DIP2C: variants seen among roughly 807,000 people sequenced by gnomAD.
The protein encoded by DIP2C is disco-interacting protein 2 homolog C.
In DIP2C, 33 loss-of-function variants were observed where a neutral mutation model predicts 192.4. The ratio of observed to expected loss-of-function variants is 0.17; its 90% CI spans 0.13 to 0.23. The LOEUF (loss-of-function observed/expected upper bound fraction) is 0.23. DIP2C is among the 10% of genes least tolerant of loss of function. DIP2C has a pLI of 1.00. For synonymous variants in DIP2C, 979 were observed against 864.1 expected, an observed-to-expected ratio of 1.13 and a Z score of -2.33; for missense variants, 1,537 against 2,110.1, an observed-to-expected ratio of 0.73 and a Z score of 5.32.
chr10:444,672 C>T (rs1968016757), intron 3 of DIP2C, among the ~76,000 whole-genome samples: 1 of 151,754 alleles, frequency 6.6e-6, no homozygotes, highest in South Asian at 2.1e-4. Flanking sequence ...GATTCTCCAC[C>T]GTCACATGGA....
At chr10:627,320 AC>A (rs1483303362) in intron 1 of DIP2C, among the ~76,000 whole-genome samples, 8 of 150,132 alleles carry the variant, frequency 5.3e-5, no homozygotes, top group Non-Finnish European at 1.2e-4. Context: ...CCTCTCCAAA[AC>A]CCCCCATCAG....
chr10:542,656 C>A (rs1848063574), intron 1 of DIP2C, among the ~76,000 whole-genome samples: 1 of 152,192 alleles, frequency 6.6e-6, no homozygotes, highest in South Asian at 2.1e-4. Context: ...CATCAGATCC[C>A]AGTTCTTATC....
intron 1 of DIP2C, among the ~76,000 whole-genome samples, chr10:492,902 G>A (rs1422929985): frequency 2.0e-5 from 3 of 152,232 alleles, no homozygotes; most frequent in African/African-American, 4.8e-5. Flanking sequence ...CACCACCGCA[G>A]TGGTCTTGAA....
chr10:412,701 G>A (rs564283481), intron 8 of DIP2C, among the ~76,000 whole-genome samples: 2 of 152,296 alleles, frequency 1.3e-5, no homozygotes, highest in African/African-American at 4.8e-5. Flanking sequence ...TAGGGTCTGA[G>A]GTTCCACGGT....
rs115929864 is a variant in DIP2C at position 311,168 on chromosome 10, G to A, written c.3925-1076C>T. 1.3e-3 allele frequency among the ~76,000 whole-genome samples: 201 copies of A among 152,164 alleles called. 1 individual carries two copies. The highest frequency in any genetic ancestry group is 4.6e-3 in the African/African-American group (189 of 41,510). The stretch of plus-strand genomic sequence containing the variant: ...CGCTCCCAGTGACAGCTCTACCCCC[G>A]GCTGCTCAGCAAAGCCGCCCCACAG... On this transcript the variant is annotated intron_variant, in intron 31 of 36. Transcript: ENST00000280886.
intron 1 of DIP2C, among the ~76,000 whole-genome samples, chr10:572,912 T>A (rs1328675620): frequency 2.0e-5 from 3 of 152,114 alleles, no homozygotes; most frequent in Non-Finnish European, 4.4e-5. Context: ...AAGATTGCCA[T>A]CTCGCAGAGA....
At chr10:639,379 T>C (rs1372173493) in intron 1 of DIP2C, among the ~76,000 whole-genome samples, 1 of 133,310 alleles carries the variant, frequency 7.5e-6, no homozygotes, top group Non-Finnish European at 1.6e-5. Context: ...GGTCCACACA[T>C]GGGGATGTGT....
At chr10:544,337 C>A (rs990524107) in intron 1 of DIP2C, among the ~76,000 whole-genome samples, 9 of 152,246 alleles carry the variant, frequency 5.9e-5, no homozygotes, top group South Asian at 2.1e-4. Flanking sequence ...ATCCACTCAT[C>A]TGTTGACAGA....
chr10:283,142 C>A lies in DIP2C; in HGVS notation c.4294+130G>T. On this transcript the variant is annotated intron_variant, in intron 35 of 36. Coordinates refer to ENST00000280886, the MANE Select transcript of DIP2C (RefSeq NM_014974.3). ...GCTCTTAAACTCGGTTCTTTTCACA[C>A]TGGGTTGTAGCTAGCACACGTGCCC... 2.4e-6 allele frequency: 3 copies of A among 1,273,332 alleles called. No homozygotes were observed. The East Asian group carries it at 7.0e-5, about 30-fold the overall frequency. The allele number at this position is 1,273,332 out of a possible 1,614,324, so 78.9% of individuals were successfully genotyped here. A position where few individuals can be genotyped will look rare whatever the true frequency, so the allele number is the denominator to read the frequency against.
intron 17 of DIP2C, chr10:370,059 C>CA (rs1174772817): frequency 1.0e-6 from 1 of 985,156 alleles, no homozygotes. Flanking sequence ...AGAATGCAGA[C>CA]AAAACCACTG....
chr10:486,500 T>C lies in DIP2C; in HGVS notation c.116A>G (p.Lys39Arg), dbSNP rs1844026539. 1.2e-6 allele frequency: 2 copies of C among 1,606,394 alleles called. No homozygotes were observed. Among genetic ancestry groups the C allele is most frequent in the Non-Finnish European group, 1.7e-6 (2 of 1,176,612 alleles). Residue 39 changes from lysine to arginine, a missense_variant, in exon 2 of 37, where the codon AAG becomes AGG. By Grantham distance (26) the Lys-to-Arg change is conservative. This residue lies in a region of DIP2C where 473 missense variants were observed against 539.6 expected (regional missense o/e 0.88). Transcript: ENST00000280886. ...GDITQKGYEK[K>R]RSKLIGAYLP... is the part of the protein sequence containing the mutation. The stretch of plus-strand genomic sequence containing the variant: ...GTAGGCTCCAATTAACTTTGACCTC[T>C]TCTTTTCATATCCTTTTTGTGTGAT...
chr10:522,541 C>CA (rs890324930), intron 1 of DIP2C, among the ~76,000 whole-genome samples: 9 of 152,252 alleles, frequency 5.9e-5, no homozygotes, highest in African/African-American at 2.2e-4. Flanking sequence ...CCTGATGCCC[C>CA]ACACGCCCAC....
chr10:334,304 C>CAAAA (rs35031456), intron 29 of DIP2C, among the ~76,000 whole-genome samples: 6,743 of 81,308 alleles, frequency 0.083, 999 homozygotes, highest in Non-Finnish European at 0.091. Flanking sequence ...AAGACTGTCT[C>CAAAA]AAAAAAAAAA....
At chr10:590,602 C>A (rs1181500496) in intron 1 of DIP2C, among the ~76,000 whole-genome samples, 5 of 152,238 alleles carry the variant, frequency 3.3e-5, no homozygotes, top group African/African-American at 2.4e-5. Context: ...CCTGACCATG[C>A]CAGATGAGAG....
chr10:581,978 G>T, intron 1 of DIP2C, among the ~76,000 whole-genome samples: 1 of 151,586 alleles, frequency 6.6e-6, no homozygotes, highest in Non-Finnish European at 1.5e-5. Flanking sequence ...TCAGGCATTG[G>T]ATCCTCATAA....
In DIP2C at chr10:310,027, G is replaced by A; in HGVS notation, c.3986+4C>T. 3 of 1,614,140 alleles carry A rather than the reference G, an allele frequency of 1.9e-6. No individual in the cohort carries two copies. The highest frequency in any genetic ancestry group is 2.2e-5 in the South Asian group (2 of 91,070). Reference sequence around the variant, plus strand: ...AAAAGAAAAAACCCAGAAGTGTACAGTACCTGTCGTGTCTCAGGGCTCTCA... The same window carrying A: ...AAAAGAAAAAACCCAGAAGTGTACAATACCTGTCGTGTCTCAGGGCTCTCA... On this transcript the variant is annotated splice_donor_region_variant and intron_variant, in intron 32 of 36. Coordinates refer to ENST00000280886, the MANE Select transcript of DIP2C (RefSeq NM_014974.3).
intron 1 of DIP2C, among the ~76,000 whole-genome samples, chr10:606,983 T>C (rs1852536851): frequency 6.6e-6 from 1 of 152,218 alleles, no homozygotes; most frequent in Non-Finnish European, 1.5e-5. Flanking sequence ...TGCACTCATG[T>C]ACGTGGCAGA....
intron 18 of DIP2C, 102 bp downstream of exon 18, chr10:369,392 C>T (rs974136212): frequency 2.1e-6 from 3 of 1,417,370 alleles, no homozygotes; most frequent in Non-Finnish European, 1.9e-6. Context: ...CCTGAGGGCA[C>T]ACCACGGGAA....
intron 5 of DIP2C, among the ~76,000 whole-genome samples, chr10:421,818 A>C (rs1364388366): frequency 3.3e-5 from 5 of 152,188 alleles, no homozygotes; most frequent in African/African-American, 1.2e-4. Context: ...AGTTATTGGG[A>C]AAAGTGAGAC....
Sources: allele counts gnomAD v4.1 joint callset (sites outside exome capture counted in the v4.1 genomes callset), GRCh38; gene constraint gnomAD v4.1.1; regional missense constraint gnomAD v4.1.1; transcripts MANE v1.5; gene names NCBI Gene and HGNC (gene_info 2026-07-23, HGNC 2026-07-21).